Variants in IQGAP1 observed in about 807,000 individuals in gnomAD.
The protein encoded by IQGAP1 is IQ motif containing GTPase activating protein 1, also known as ras GTPase-activating-like protein IQGAP1.
Under a neutral mutation model 215.6 loss-of-function variants are expected in IQGAP1, and 66 were observed. The ratio of observed to expected loss-of-function variants is 0.31; its 90% CI spans 0.25 to 0.38. The LOEUF (loss-of-function observed/expected upper bound fraction) is 0.38. Among genes scored for constraint, IQGAP1 ranks in the 10% least tolerant of loss-of-function variants. The probability of loss-of-function intolerance (pLI) is 1.00; values close to 1 mark genes in which losing one functional copy is unlikely to be tolerated. For synonymous variants in IQGAP1, 772 were observed against 728.7 expected (o/e 1.06, Z -0.96); for missense variants, 1,712 against 1,997.1 (o/e 0.86, Z 2.72).
intron 3 of IQGAP1, among the ~76,000 whole-genome samples, chr15:90,428,751 T>G (rs545008554): frequency 2.0e-5 from 3 of 151,746 alleles, no homozygotes; most frequent in African/African-American, 7.3e-5. Context: ...GTGAGCCGAT[T>G]GTGCCAGTGC....
chr15:90,453,265 C>CAGTTCAGTTA lies in IQGAP1; in HGVS notation c.1460_1461insAGTTCAGTTA (p.Asn488ValfsTer6). ...TTGAGCAGTTCAGTTACTGGTCTTA[C>CAGTTCAGTTA]CAATATTGAGGAAGAAAACTGTCAG... On this transcript the variant is annotated frameshift_variant, in exon 13 of 38. Transcript: ENST00000268182. LOFTEE classifies it high-confidence loss of function. 6.2e-7 allele frequency: 1 copy of CAGTTCAGTTA among 1,612,880 alleles called. No individual in the cohort carries two copies. The highest frequency in any genetic ancestry group is 2.2e-5 in the East Asian group (1 of 44,858).
chr15:90,402,173 G>GTC (rs1305754269), intron 2 of IQGAP1, among the ~76,000 whole-genome samples: 3 of 152,200 alleles, frequency 2.0e-5, no homozygotes, highest in African/African-American at 7.2e-5. Flanking sequence ...GTCTCCAGTT[G>GTC]TCTTATGTAT....
At chr15:90,436,834 A>G (rs1179170640) in intron 5 of IQGAP1, among the ~76,000 whole-genome samples, 1 of 152,186 alleles carries the variant, frequency 6.6e-6, no homozygotes, top group Non-Finnish European at 1.5e-5. Flanking sequence ...TACTCGTAAT[A>G]ATTAAAGAGA....
At chr15:90,437,899 G>T (rs188106525) in intron 5 of IQGAP1, among the ~76,000 whole-genome samples, 1 of 152,234 alleles carries the variant, frequency 6.6e-6, no homozygotes, top group Non-Finnish European at 1.5e-5. Context: ...TATCCATCTT[G>T]AGTCTTTTAC....
intron 18 of IQGAP1, among the ~76,000 whole-genome samples, chr15:90,468,248 A>G (rs900337241): frequency 3.5e-4 from 54 of 152,228 alleles, no homozygotes; most frequent in African/African-American, 1.3e-3. Flanking sequence ...TAATTTTAGT[A>G]GAGACGAGGT....
In IQGAP1 at chr15:90,477,256, A is replaced by C. The variant is rs1484921252; in HGVS notation, c.3104+26A>C. On this transcript the variant is annotated intron_variant, in intron 25 of 37. Transcript: ENST00000268182. ...GTATGAACAGATTTCCTCAGGGCAC[A>C]GGCCCCTTCCCACTATCAGAGGGGC... 6.2e-6 allele frequency: 10 copies of C among 1,603,518 alleles called. No homozygotes were observed. In the Admixed American group the frequency reaches 1.5e-4, roughly 25 times the overall value.
chr15:90,484,615 TCTC>T (rs1474530144), intron 30 of IQGAP1, among the ~76,000 whole-genome samples: 2 of 152,092 alleles, frequency 1.3e-5, no homozygotes, highest in African/African-American at 4.8e-5. Flanking sequence ...TTCACACCAT[TCTC>T]CTGCCTCAGC....
chr15:90,426,718 G>T (rs1222374043), intron 3 of IQGAP1, among the ~76,000 whole-genome samples: 4 of 152,128 alleles, frequency 2.6e-5, no homozygotes, highest in African/African-American at 7.2e-5. Flanking sequence ...ACTTTGGGAG[G>T]CTGAGGTGGG....
In IQGAP1 at chr15:90,500,347, C is replaced by A; in HGVS notation, c.*239C>A. The A allele has an allele frequency of 2.4e-6, 1 of 413,796 alleles. No individual in the cohort carries two copies. The allele number at this position is 413,796 out of a possible 1,614,324, so 25.6% of individuals were successfully genotyped here. On this transcript the variant is annotated 3_prime_UTR_variant, in exon 38 of 38. Coordinates refer to ENST00000268182, the MANE Select transcript of IQGAP1 (RefSeq NM_003870.4). Reference sequence around the variant, plus strand: ...CCTTTCTGGTTTCTTCATTTTCTTCCATTACTTAGGAAAGAGTGGAAACTC... The same window carrying A: ...CCTTTCTGGTTTCTTCATTTTCTTCAATTACTTAGGAAAGAGTGGAAACTC...
chr15:90,414,829 G>T (rs1965021607), intron 2 of IQGAP1, among the ~76,000 whole-genome samples: 1 of 152,066 alleles, frequency 6.6e-6, no homozygotes, highest in Non-Finnish European at 1.5e-5. Flanking sequence ...ACGTCCCGTT[G>T]ACATTTCAAG....
chr15:90,440,846 C>T (rs1391428637), intron 7 of IQGAP1, among the ~76,000 whole-genome samples: 2 of 152,198 alleles, frequency 1.3e-5, no homozygotes, highest in African/African-American at 2.4e-5. Flanking sequence ...TGGTGGCTCA[C>T]GCCTGTAATC....
chr15:90,392,130 T>TC (rs1252547147), intron 2 of IQGAP1, among the ~76,000 whole-genome samples: 3 of 152,146 alleles, frequency 2.0e-5, no homozygotes, highest in South Asian at 4.1e-4. Flanking sequence ...GCCCCTCTGG[T>TC]CCCATTCTTC....
intron 2 of IQGAP1, among the ~76,000 whole-genome samples, chr15:90,415,873 G>C (rs2151009409): frequency 6.6e-6 from 1 of 152,212 alleles, no homozygotes; most frequent in East Asian, 1.9e-4. Context: ...AACCTCCCAT[G>C]GCTCCCATTC....
chr15:90,418,609 G>C (rs1427682441), intron 2 of IQGAP1, among the ~76,000 whole-genome samples: 1 of 151,920 alleles, frequency 6.6e-6, no homozygotes, highest in Non-Finnish European at 1.5e-5. Context: ...TTAAAAGACT[G>C]TAATTAAAGA....
chr15:90,427,922 G>C (rs1044528185), intron 3 of IQGAP1, among the ~76,000 whole-genome samples: 1 of 152,188 alleles, frequency 6.6e-6, no homozygotes, highest in African/African-American at 2.4e-5. Flanking sequence ...AGGCTACAAT[G>C]TCAAAGAGAT....
chr15:90,479,806 AT>A (rs1361026981), intron 26 of IQGAP1, among the ~76,000 whole-genome samples: 1 of 152,046 alleles, frequency 6.6e-6, no homozygotes, highest in Admixed American at 6.6e-5. Context: ...TAGGTCTGTT[AT>A]CAGGACTCAG....
intron 30 of IQGAP1, 107 bp from the exon 31 acceptor site, chr15:90,485,923 T>C: frequency 1.3e-6 from 1 of 770,158 alleles, no homozygotes; most frequent in East Asian, 2.7e-5. Flanking sequence ...TCTTTGAATA[T>C]AGGAACTTTG....
chr15:90,496,012 G>A (rs1016655734), intron 36 of IQGAP1, among the ~76,000 whole-genome samples: 1 of 150,616 alleles, frequency 6.6e-6, no homozygotes, highest in Non-Finnish European at 1.5e-5. Context: ...TTGCCTTTCT[G>A]TCTTCTTTTT....
chr15:90,492,798 A>T (rs1468766559), intron 35 of IQGAP1, 87 bp downstream of exon 35: 2 of 1,036,624 alleles, frequency 1.9e-6, no homozygotes, highest in Non-Finnish European at 2.8e-6. Context: ...GGAAATTTTT[A>T]CTTAAAATAC....
Sources: gnomAD v4.1 joint callset for allele counts (sites outside exome capture counted in the v4.1 genomes callset) on GRCh38, gnomAD v4.1.1 for gene constraint, MANE v1.5 for transcripts, NCBI Gene and HGNC (gene_info 2026-07-23, HGNC 2026-07-21) for gene names.